Variants in IGF2BP1 observed in about 807,000 individuals in gnomAD.
IGF2BP1 encodes the protein insulin-like growth factor 2 mRNA-binding protein 1.
Under a neutral mutation model 74.9 loss-of-function variants are expected in IGF2BP1, and 11 were observed. The ratio of observed to expected loss-of-function variants is 0.15; its 90% CI spans 0.09 to 0.24. The LOEUF (loss-of-function observed/expected upper bound fraction) is 0.24, where lower values mean the gene tolerates loss of function less well. IGF2BP1 is among the 10% of genes least tolerant of loss of function. The probability of loss-of-function intolerance (pLI) is 1.00; values close to 1 mark genes in which losing one functional copy is unlikely to be tolerated. For missense variants in IGF2BP1, 440 were observed against 757.4 expected (o/e 0.58, Z 4.92); for synonymous variants, 287 against 281.8 (o/e 1.02, Z -0.18).
At chr17:48,996,959 G>T (rs1459848752), upstream of IGF2BP1, among the ~76,000 whole-genome samples, 1 of 152,174 alleles carries the variant, frequency 6.6e-6, no homozygotes, top group Non-Finnish European at 1.5e-5. Flanking sequence ...AGAGTCTTCG[G>T]CTTCTCTTTG....
intron 5 of IGF2BP1, 105 bp downstream of exon 5, chr17:49,032,078 G>A: frequency 1.0e-6 from 1 of 997,060 alleles, no homozygotes; most frequent in Non-Finnish European, 1.6e-6. Context: ...GGCAGGCTGG[G>A]TCCCCATCCA....
chr17:48,996,999 C>G (rs899833407), upstream of IGF2BP1, among the ~76,000 whole-genome samples: 11 of 152,328 alleles, frequency 7.2e-5, no homozygotes, highest in South Asian at 4.1e-4. Flanking sequence ...GCCTGTCAGT[C>G]GCTAGCAGTT....
chr17:49,004,395 G>C (rs933909586), intron 2 of IGF2BP1, among the ~76,000 whole-genome samples: 28 of 152,212 alleles, frequency 1.8e-4, no homozygotes, highest in Admixed American at 2.6e-4. Context: ...GTGGGTAAAT[G>C]TGAAGTGAAA....
At chr17:49,041,224 A>G (rs2042048374) in intron 7 of IGF2BP1, among the ~76,000 whole-genome samples, 154 bp from the exon 8 acceptor site, 1 of 152,230 alleles carries the variant, frequency 6.6e-6, no homozygotes, top group Non-Finnish European at 1.5e-5. Context: ...TTGATGTATA[A>G]TAAATCATAC....
chr17:49,016,153 T>G (rs1325852550), intron 2 of IGF2BP1, among the ~76,000 whole-genome samples: 2 of 152,200 alleles, frequency 1.3e-5, no homozygotes, highest in Non-Finnish European at 2.9e-5. Context: ...TCTGCTGTAT[T>G]AACACTTGTC....
At chr17:49,014,557 G>C (rs73988942) in intron 2 of IGF2BP1, among the ~76,000 whole-genome samples, 3,890 of 152,108 alleles carry the variant, frequency 0.026, 155 homozygotes, top group African/African-American at 0.087. Flanking sequence ...GGCACTTGAG[G>C]GGGGGAGGAG....
intron 4 of IGF2BP1, among the ~76,000 whole-genome samples, chr17:49,031,258 C>T (rs2041918219): frequency 6.6e-6 from 1 of 152,084 alleles, no homozygotes; most frequent in African/African-American, 2.4e-5. Context: ...CAAGGGTGCA[C>T]CACCACGCCA....
intron 2 of IGF2BP1, among the ~76,000 whole-genome samples, chr17:49,010,696 G>A (rs2041606695): frequency 6.6e-6 from 1 of 152,070 alleles, no homozygotes; most frequent in Non-Finnish European, 1.5e-5. Context: ...TTCAGGTGGG[G>A]AAGTGAGACA....
intron 2 of IGF2BP1, among the ~76,000 whole-genome samples, chr17:49,012,225 G>T (rs115779525): frequency 0.013 from 1,930 of 152,228 alleles, 34 homozygotes; most frequent in African/African-American, 0.044. Flanking sequence ...AATTGAGATG[G>T]ATGGGTCCAA....
chr17:49,040,495 G>A (rs1026401451), intron 7 of IGF2BP1, among the ~76,000 whole-genome samples: 1 of 152,200 alleles, frequency 6.6e-6, no homozygotes, highest in African/African-American at 2.4e-5. Flanking sequence ...GGGATTACAG[G>A]CGTGTGCCAC....
At chr17:49,039,312 G>T (rs1000535398) in intron 6 of IGF2BP1, among the ~76,000 whole-genome samples, 16 of 152,138 alleles carry the variant, frequency 1.1e-4, no homozygotes, top group African/African-American at 3.9e-4. Context: ...TTTCAAGGGG[G>T]ACATACGGAA....
At chr17:49,040,566 G>A (rs999529250) in intron 7 of IGF2BP1, among the ~76,000 whole-genome samples, 1 of 152,206 alleles carries the variant, frequency 6.6e-6, no homozygotes, top group African/African-American at 2.4e-5. Context: ...GCACTCACAG[G>A]TGTGTGTATA....
chr17:49,000,806 T>C (rs1252531696), intron 2 of IGF2BP1, among the ~76,000 whole-genome samples: 14 of 152,206 alleles, frequency 9.2e-5, no homozygotes, highest in Non-Finnish European at 2.1e-4. Context: ...CATGGTGCCC[T>C]GTATTTATGA....
chr17:48,998,625 G>C (rs1400117033), intron 1 of IGF2BP1, among the ~76,000 whole-genome samples: 1 of 152,148 alleles, frequency 6.6e-6, no homozygotes, highest in Non-Finnish European at 1.5e-5. Context: ...GCTCCCCCAG[G>C]TCCACCCCTT....
intron 5 of IGF2BP1, among the ~76,000 whole-genome samples, chr17:49,033,091 C>T: frequency 6.6e-6 from 1 of 152,124 alleles, no homozygotes; most frequent in Non-Finnish European, 1.5e-5. Context: ...GGATTACAAG[C>T]TTCAGCCACC....
Position 48,997,563 on chromosome 17 carries a change from G to A in IGF2BP1, c.-183G>A. 1 of 615,738 alleles carries A rather than the reference G, an allele frequency of 1.6e-6. No individual in the cohort carries two copies. The highest frequency in any genetic ancestry group is 2.8e-6 in the Non-Finnish European group (1 of 356,428). The allele number at this position is 615,738 out of a possible 1,614,324, so 38.1% of individuals were successfully genotyped here. ...CTGGGCTCTCCCCGAACTCTCCCGC[G>A]ACCTCTGCGCGCCCTCAGGCCGCCT... On this transcript the variant is annotated 5_prime_UTR_variant, in exon 1 of 15. Transcript: ENST00000290341. This position sits in a 1 kb window ranked among gnomAD's most constrained non-coding sequence, Gnocchi z 4.8.
chr17:49,008,172 CAAAA>C (rs78718299), intron 2 of IGF2BP1, among the ~76,000 whole-genome samples: 2 of 90,230 alleles, frequency 2.2e-5, no homozygotes, highest in Admixed American at 1.2e-4. Flanking sequence ...AATTCCATCT[CAAAA>C]AAAAAAAAAA....
In IGF2BP1 at chr17:49,040,103, G is replaced by C; in HGVS notation, c.818+12G>C. The stretch of plus-strand genomic sequence containing the variant: ...AAGGACACCAAAACGTAAGTCTCCA[G>C]CTTTTCTTGGATCTTCAGGGTCTGC... On this transcript the variant is annotated intron_variant, in intron 7 of 14. Coordinates refer to ENST00000290341, the MANE Select transcript of IGF2BP1 (RefSeq NM_006546.4). The C allele has an allele frequency of 6.2e-7, 1 of 1,613,656 alleles. No homozygotes were observed. The highest frequency in any genetic ancestry group is 8.5e-7 in the Non-Finnish European group (1 of 1,179,830).
chr17:49,045,025 G>A lies in IGF2BP1; in HGVS notation c.1355G>A (p.Arg452His), dbSNP rs764506936. Residue 452 changes from arginine (R) to histidine (H), a missense_variant, in exon 12 of 15, where the codon CGT becomes CAT. Physicochemically the swap from Arg to His is conservative, Grantham distance 29. Transcript: ENST00000290341. ...APPETPDSKV[R>H]MVIITGPPEA... ...CCCGAAACACCTGACTCCAAAGTTC[G>A]TATGGTTATCATCACTGGACCGCCA... 3.1e-6 allele frequency: 5 copies of A among 1,613,986 alleles called. No homozygotes were observed. The highest frequency in any genetic ancestry group is 4.5e-5 in the East Asian group (2 of 44,894).
Sources: gnomAD v4.1 joint callset for allele counts (sites outside exome capture counted in the v4.1 genomes callset) on GRCh38, gnomAD v4.1.1 for gene constraint, Gnocchi (gnomAD v3.1) non-coding constraint, MANE v1.5 for transcripts, NCBI Gene and HGNC (gene_info 2026-07-23, HGNC 2026-07-21) for gene names.